CASZ1: variants seen among roughly 807,000 people sequenced by gnomAD.
CASZ1 encodes zinc finger protein castor homolog 1.
Under a neutral mutation model 135.2 loss-of-function variants are expected in CASZ1, and 28 were observed. That is an observed-to-expected ratio of 0.21 (90% confidence interval 0.15 to 0.28). The LOEUF is 0.28. CASZ1 is among the 10% of genes least tolerant of loss of function. The pLI, the probability that CASZ1 is intolerant of heterozygous loss-of-function variation, is 1.00. For missense variants in CASZ1, 2,161 were observed against 2,453.3 expected (o/e 0.88, Z 2.52); for synonymous variants, 1,068 against 1,073.4 (o/e 0.99, Z 0.10).
chr1:10,694,233 C>T lies in CASZ1; in HGVS notation c.-23-321G>A. Reference sequence around the variant, plus strand: ...CGCCCCCGTCCCGCCGACCGCGCCCCGCGCCCGGGTCGCCGCCCGAGACCG... The same window carrying T: ...CGCCCCCGTCCCGCCGACCGCGCCCTGCGCCCGGGTCGCCGCCCGAGACCG... On this transcript the variant is annotated intron_variant, in intron 3 of 20. Transcript: ENST00000377022. This position sits in a 1 kb window ranked among gnomAD's most constrained non-coding sequence, Gnocchi z 6.6. 2.8e-6 allele frequency: 2 copies of T among 723,812 alleles called. No homozygotes were observed. Among genetic ancestry groups the T allele is most frequent in the Non-Finnish European group, 1.7e-6 (1 of 592,108 alleles). 44.8% of individuals were successfully genotyped at this position (723,812 alleles called of 1,614,324 possible).
At chr1:10,765,963 CAG>C (rs1283819660) in intron 1 of CASZ1, among the ~76,000 whole-genome samples, 4 of 152,108 alleles carry the variant, frequency 2.6e-5, no homozygotes, top group Non-Finnish European at 4.4e-5. Context: ...TTCCAGGGAA[CAG>C]AGTTATACAA....
chr1:10,750,338 C>T (rs777123541), intron 2 of CASZ1, among the ~76,000 whole-genome samples: 1 of 152,124 alleles, frequency 6.6e-6, no homozygotes, highest in South Asian at 2.1e-4. Context: ...TGCAGTGGTG[C>T]GATCACAGCT....
intron 2 of CASZ1, among the ~76,000 whole-genome samples, chr1:10,710,069 C>T (rs1037668740): frequency 1.3e-5 from 2 of 152,212 alleles, no homozygotes; most frequent in Middle Eastern, 3.2e-3. Flanking sequence ...GAAGGGCCCT[C>T]GTCCTTTGGG....
At chr1:10,659,412 TGGGGGGCGTGTGC>T (rs1422374846) in intron 6 of CASZ1, among the ~76,000 whole-genome samples, 4 of 151,608 alleles carry the variant, frequency 2.6e-5, no homozygotes, top group Non-Finnish European at 4.4e-5. Flanking sequence ...GTGGCGTGTG[TGGGGGGCGTGTGC>T]GAGGTGCACG....
intron 4 of CASZ1, among the ~76,000 whole-genome samples, chr1:10,668,708 C>G (rs1007712173): frequency 2.6e-5 from 4 of 152,254 alleles, no homozygotes; most frequent in African/African-American, 9.6e-5. Flanking sequence ...CACGGCGGAG[C>G]TCTGCCCTGC....
intron 2 of CASZ1, among the ~76,000 whole-genome samples, chr1:10,731,298 T>A (rs1328352067): frequency 1.3e-5 from 2 of 150,136 alleles, no homozygotes; most frequent in Non-Finnish European, 3.0e-5. Context: ...AAATAAATAA[T>A]TTAGCTGGGC....
rs866363430 is a variant in CASZ1 at position 10,660,160 on chromosome 1, C to T, written c.882G>A (p.Leu294=). The T allele has an allele frequency of 1.2e-6, 2 of 1,614,056 alleles. No individual in the cohort carries two copies. Among genetic ancestry groups the T allele is most frequent in the Middle Eastern group, 3.3e-4 (2 of 6,062 alleles). ...HLETKATILP[L]PSHSSVQMQN... ...GCATCTGGACACTGCTGTGCGACGG[C>T]AGGGGCAGGATGGTGGCCTTGGTCT... Residue 294 remains leucine, a synonymous_variant, in exon 6 of 21, where the codon CTG becomes CTA. Transcript: ENST00000377022.
In CASZ1 at chr1:10,646,277, G is replaced by T; in HGVS notation, c.3547C>A (p.His1183Asn). 1 of 1,614,174 alleles carries T rather than the reference G, an allele frequency of 6.2e-7. No individual in the cohort carries two copies. The highest frequency in any genetic ancestry group is 8.5e-7 in the Non-Finnish European group (1 of 1,180,020). Residue 1183 changes from histidine to asparagine, a missense_variant, in exon 17 of 21, where the codon CAC (histidine) becomes AAC (asparagine). Around this residue, in one of 7 missense-constraint regions of CASZ1, gnomAD observed 349 missense variants for 460.8 expected, o/e 0.76. Transcript: ENST00000377022. This position sits in a 1 kb window ranked among gnomAD's most constrained non-coding sequence, Gnocchi z 6.4. The stretch of plus-strand genomic sequence containing the variant: ...TACTTGCAGTTCCCAAAGAGACAGT[G>T]GAAGTGGAACTTGTTGGCGTACTTG... ...DCKYANKFHF[H>N]CLFGNCKYVC...
At chr1:10,660,946 T>G in intron 5 of CASZ1, 2 of 223,044 alleles carry the variant, frequency 9.0e-6, no homozygotes, top group Non-Finnish European at 1.8e-5. Context: ...CGGGGACAGG[T>G]AGGGACGTGG....
intron 4 of CASZ1, among the ~76,000 whole-genome samples, chr1:10,681,148 G>A (rs377525649): frequency 3.9e-5 from 6 of 151,972 alleles, no homozygotes; most frequent in African/African-American, 1.4e-4. Context: ...TGATCTGCCC[G>A]CCTTGGCCTC....
intron 2 of CASZ1, among the ~76,000 whole-genome samples, chr1:10,738,344 G>T (rs148182457): frequency 6.6e-6 from 1 of 152,224 alleles, no homozygotes; most frequent in Non-Finnish European, 1.5e-5. Flanking sequence ...CCGGAAGGAC[G>T]CAGAGCACCC....
At chr1:10,656,869 A>G (rs1294405495) in intron 7 of CASZ1, 133 bp from the exon 8 acceptor site, 2 of 642,572 alleles carry the variant, frequency 3.1e-6, no homozygotes, top group African/African-American at 3.6e-5. Flanking sequence ...GCAGAGGCCC[A>G]GGCAAGTGAC....
At chr1:10,664,203 C>T (rs997278884) in intron 5 of CASZ1, among the ~76,000 whole-genome samples, 7 of 152,074 alleles carry the variant, frequency 4.6e-5, no homozygotes, top group Admixed American at 4.6e-4. Flanking sequence ...CCCCTTGCTG[C>T]AGGGGAAGGG....
intron 2 of CASZ1, among the ~76,000 whole-genome samples, chr1:10,752,961 T>C (rs1570560524): frequency 1.3e-5 from 2 of 152,282 alleles, no homozygotes; most frequent in African/African-American, 4.8e-5. Context: ...CACTTGAACC[T>C]GAGAGGCGGA....
At chr1:10,784,646 C>T (rs1640823505) in intron 1 of CASZ1, among the ~76,000 whole-genome samples, 1 of 152,150 alleles carries the variant, frequency 6.6e-6, no homozygotes. Flanking sequence ...TCACTGCAAC[C>T]TCCGCCATCT....
In CASZ1 at chr1:10,719,120, G is replaced by A. The variant is rs1639449486; in HGVS notation, c.-76-13576C>T. On this transcript the variant is annotated intron_variant, in intron 2 of 20. Transcript: ENST00000377022. This position sits in a 1 kb window ranked among gnomAD's most constrained non-coding sequence, Gnocchi z 4.0. ...TAGTGGAGGTGGGGTTTCCAACCAT[G>A]TTGGCCAGACTAGTCTCGAACTCCT... 1.3e-5 allele frequency among the ~76,000 whole-genome samples: 2 copies of A among 151,938 alleles called. No homozygotes were observed. Among genetic ancestry groups the A allele is most frequent in the African/African-American group, 4.8e-5 (2 of 41,344 alleles).
rs1343045432 is a variant in CASZ1, at chr1:10,695,577, GCCAC to G, written c.-23-1669_-23-1666del. 5.8e-4 allele frequency among the ~76,000 whole-genome samples: 9 copies of G among 15,564 alleles called. 1 individual carries two copies. The highest frequency in any genetic ancestry group is 2.0e-3 in the African/African-American group (9 of 4,430). The allele number at this position is 15,564 out of a possible 152,430, so 10.2% of individuals were successfully genotyped here. A position where few individuals can be genotyped will look rare whatever the true frequency, so the allele number is the denominator to read the frequency against. On this transcript the variant is annotated intron_variant, in intron 3 of 20. Coordinates refer to ENST00000377022, the MANE Select transcript of CASZ1 (RefSeq NM_001079843.3). ...CATCCCGGCTCCTCCTCCCCTCCCC[GCCAC>G]CCCCCCCCCCCCCGCCCCACGCCGT...
At position 10,788,407 on chromosome 1, in the gene CASZ1, T is replaced by C. The variant is rs2100628230; in HGVS notation, c.-234+8157A>G. Among the ~76,000 whole-genome samples, 1 of 152,116 alleles carries C rather than the reference T, an allele frequency of 6.6e-6. No homozygotes were observed. The highest frequency in any genetic ancestry group is 2.1e-4 in the South Asian group (1 of 4,806). On this transcript the variant is annotated intron_variant, in intron 1 of 20. Coordinates refer to ENST00000377022, the MANE Select transcript of CASZ1 (RefSeq NM_001079843.3). This position sits in a 1 kb window ranked among gnomAD's most constrained non-coding sequence, Gnocchi z 4.1. ...GCCCCCCTGCCTCATCCTGGAGAATTGGAAAGAAGCCCACCAGAGCAGGGG... is the reference window on the plus strand; with the variant it reads ...GCCCCCCTGCCTCATCCTGGAGAATCGGAAAGAAGCCCACCAGAGCAGGGG...
chr1:10,643,355 C>T lies in CASZ1; in HGVS notation c.3869-44G>A, dbSNP rs755524004. On this transcript the variant is annotated intron_variant, in intron 18 of 20. Coordinates refer to ENST00000377022, the MANE Select transcript of CASZ1 (RefSeq NM_001079843.3). ...CTGGCATGAGCCCCCAGCTGGCCAG[C>T]GCTCATGGCTTCCAGGTCCTGTTGG... 2.1e-5 allele frequency: 33 copies of T among 1,602,148 alleles called. No individual in the cohort carries two copies. The East Asian group carries it at 2.2e-4, about 11-fold the overall frequency.
Sources: allele counts gnomAD v4.1 joint callset (sites outside exome capture counted in the v4.1 genomes callset), GRCh38; gene constraint gnomAD v4.1.1; regional missense constraint gnomAD v4.1.1; non-coding constraint Gnocchi (gnomAD v3.1); transcripts MANE v1.5; gene names NCBI Gene and HGNC (gene_info 2026-07-23, HGNC 2026-07-21).